CABCOCO1: variants seen among roughly 807,000 people sequenced by gnomAD.
CABCOCO1 encodes the protein ciliary associated calcium binding coiled-coil 1.
Under a neutral mutation model 35.7 loss-of-function variants are expected in CABCOCO1, and 28 were observed. That is an observed-to-expected ratio of 0.78 (90% CI 0.58 to 1.07). The LOEUF is 1.07. CABCOCO1 is among the 50% of genes least tolerant of loss of function. The probability of loss-of-function intolerance (pLI) is 0.00; values close to 1 mark genes in which losing one functional copy is unlikely to be tolerated. For missense variants in CABCOCO1, 326 were observed against 309.2 expected (o/e 1.05, Z -0.41); for synonymous variants, 95 against 100.1 (o/e 0.95, Z 0.30).
intron 5 of CABCOCO1, among the ~76,000 whole-genome samples, chr10:61,755,353 G>A (rs1841876751): frequency 6.6e-6 from 1 of 152,056 alleles, no homozygotes; most frequent in African/African-American, 2.4e-5. Flanking sequence ...AATGAGTAAT[G>A]CCTTTCTTCA....
At chr10:61,682,524 T>TC (rs775608176) in intron 3 of CABCOCO1, among the ~76,000 whole-genome samples, 2 of 152,134 alleles carry the variant, frequency 1.3e-5, no homozygotes, top group East Asian at 3.8e-4. Flanking sequence ...CCTAGATGGA[T>TC]CCCCCTGGTG....
intron 5 of CABCOCO1, among the ~76,000 whole-genome samples, chr10:61,725,916 A>T (rs1259068786): frequency 6.6e-6 from 1 of 152,192 alleles, no homozygotes; most frequent in Non-Finnish European, 1.5e-5. Flanking sequence ...AAAAAAAGAA[A>T]GAAAAAGATA....
chr10:61,673,076 G>T (rs557111058), intron 2 of CABCOCO1, among the ~76,000 whole-genome samples: 1 of 152,070 alleles, frequency 6.6e-6, no homozygotes, highest in Non-Finnish European at 1.5e-5. Context: ...GTTCTCCCTC[G>T]TTGTAAGAAG....
chr10:61,739,229 T>C (rs1841491669), intron 5 of CABCOCO1, among the ~76,000 whole-genome samples: 2 of 152,238 alleles, frequency 1.3e-5, no homozygotes, highest in Admixed American at 1.3e-4. Context: ...ATAAATTCTC[T>C]AGGAATCTTG....
intron 5 of CABCOCO1, among the ~76,000 whole-genome samples, chr10:61,736,178 T>G (rs886205883): frequency 1.3e-5 from 2 of 152,154 alleles, no homozygotes; most frequent in African/African-American, 2.4e-5. Context: ...CCATTTTCAA[T>G]TTTTGCTTTT....
intron 2 of CABCOCO1, among the ~76,000 whole-genome samples, chr10:61,679,329 C>CTATATCTAATCTATCTA (rs60971419): frequency 0.013 from 1,876 of 142,834 alleles, 21 homozygotes; most frequent in South Asian, 0.027. Context: ...ATATCTATAT[C>CTATATCTAATCTATCTA]TATCTATATC....
At chr10:61,764,012 C>T (rs900962326) in intron 7 of CABCOCO1, among the ~76,000 whole-genome samples, 1 of 152,044 alleles carries the variant, frequency 6.6e-6, no homozygotes, top group African/African-American at 2.4e-5. Context: ...GTATGCCACT[C>T]TCTTAGCTGC....
At chr10:61,761,205 T>C (rs569766252) in intron 7 of CABCOCO1, among the ~76,000 whole-genome samples, 40 of 151,864 alleles carry the variant, frequency 2.6e-4, no homozygotes, top group Non-Finnish European at 5.3e-4. Flanking sequence ...CAGCATCTAG[T>C]GTGGTGCATG....
At chr10:61,733,350 TTACC>T (rs1242043254) in intron 5 of CABCOCO1, among the ~76,000 whole-genome samples, 2 of 152,010 alleles carry the variant, frequency 1.3e-5, no homozygotes, top group African/African-American at 4.8e-5. Context: ...AAAGATTAAA[TTACC>T]TACCTAATTT....
chr10:61,740,063 G>A (rs1841515850), intron 5 of CABCOCO1, among the ~76,000 whole-genome samples: 1 of 152,230 alleles, frequency 6.6e-6, no homozygotes, highest in Non-Finnish European at 1.5e-5. Context: ...TAAAAGAGAA[G>A]TTGTGCCATT....
At chr10:61,705,328 T>C (rs1840568387) in intron 5 of CABCOCO1, among the ~76,000 whole-genome samples, 1 of 152,222 alleles carries the variant, frequency 6.6e-6, no homozygotes, top group South Asian at 2.1e-4. Flanking sequence ...TGAAGATCAT[T>C]GTCTTCTAAA....
At chr10:61,728,447 C>A (rs913051661) in intron 5 of CABCOCO1, among the ~76,000 whole-genome samples, 3 of 152,060 alleles carry the variant, frequency 2.0e-5, no homozygotes, top group Non-Finnish European at 2.9e-5. Flanking sequence ...GATCTCTGGG[C>A]AAAAACATAT....
chr10:61,698,928 A>G (rs745837994), intron 5 of CABCOCO1, among the ~76,000 whole-genome samples: 9 of 152,186 alleles, frequency 5.9e-5, no homozygotes, highest in Non-Finnish European at 1.2e-4. Flanking sequence ...AAGCACAGCT[A>G]TAAAGATATC....
chr10:61,696,045 G>GGATA (rs1237824616), intron 5 of CABCOCO1, among the ~76,000 whole-genome samples: 1 of 152,034 alleles, frequency 6.6e-6, no homozygotes, highest in South Asian at 2.1e-4. Context: ...ATGGATGGAT[G>GGATA]GATAGATCTA....
chr10:61,674,882 T>C (rs964563668), intron 2 of CABCOCO1, among the ~76,000 whole-genome samples: 7 of 151,962 alleles, frequency 4.6e-5, no homozygotes, highest in Non-Finnish European at 7.4e-5. Flanking sequence ...TCCATCTCAA[T>C]TTTTTTTAAA....
At position 61,678,623 on chromosome 10, in the gene CABCOCO1, C is replaced by A. The variant is rs147685886; in HGVS notation, c.165-2520C>A. 3.9e-5 allele frequency among the ~76,000 whole-genome samples: 6 copies of A among 152,058 alleles called. No homozygotes were observed. The East Asian group carries it at 1.2e-3, about 29-fold the overall frequency. On this transcript the variant is annotated intron_variant, in intron 2 of 7. Transcript: ENST00000648843. The stretch of plus-strand genomic sequence containing the variant: ...AATGGAGTCAAGGTCTAAATAGTAT[C>A]ATCAAAAAATAAGGCTTAATCTTAG...
chr10:61,690,515 A>G, intron 4 of CABCOCO1, 34 bp from the exon 5 acceptor site: 4 of 1,445,650 alleles, frequency 2.8e-6, no homozygotes, highest in Non-Finnish European at 3.8e-6. Flanking sequence ...CCTGAAATCA[A>G]CTTATCAGAG....
rs901144480 is a variant in CABCOCO1, at chr10:61,742,781, A to ATCAG, written c.553-17276_553-17273dup. 3.2e-4 allele frequency among the ~76,000 whole-genome samples: 48 copies of ATCAG among 152,220 alleles called. 1 individual carries two copies. The highest frequency in any genetic ancestry group is 1.1e-3 in the African/African-American group (47 of 41,454). On this transcript the variant is annotated intron_variant, in intron 5 of 7. Transcript: ENST00000648843. ...ATATCTATAGCACAGACATCACAAA[A>ATCAG]TCAGTGTACTAGAAAATGTTGAGAG...
chr10:61,750,472 A>C (rs1342083250), intron 5 of CABCOCO1, among the ~76,000 whole-genome samples: 1 of 152,140 alleles, frequency 6.6e-6, no homozygotes, highest in East Asian at 1.9e-4. Flanking sequence ...GCTACTTGGG[A>C]GGCTGAGGCA....
Sources: allele counts gnomAD v4.1 joint callset (sites outside exome capture counted in the v4.1 genomes callset), GRCh38; gene constraint gnomAD v4.1.1; transcripts MANE v1.5; gene names NCBI Gene and HGNC (gene_info 2026-07-23, HGNC 2026-07-21).